Variants in WWOX observed in about 807,000 individuals in gnomAD.
The protein encoded by WWOX is WW domain-containing oxidoreductase.
Under a neutral mutation model 46.2 loss-of-function variants are expected in WWOX, and 69 were observed. The ratio of observed to expected loss-of-function variants is 1.49; its 90% CI spans 1.23 to 1.82. WWOX has a LOEUF of 1.82. Among genes scored for constraint, WWOX ranks in the 40% most tolerant of loss-of-function variants. The pLI is 0.00. For synonymous variants in WWOX, 359 were observed against 202.6 expected, an observed-to-expected ratio of 1.77 and a Z score of -6.56; for missense variants, 919 against 542.6, an observed-to-expected ratio of 1.69 and a Z score of -6.89.
At chr16:78,809,691 G>C (rs967301459) in intron 8 of WWOX, among the ~76,000 whole-genome samples, 2 of 152,210 alleles carry the variant, frequency 1.3e-5, no homozygotes, top group African/African-American at 4.8e-5. Flanking sequence ...AGGACTGGGA[G>C]TGTGAATGAG....
chr16:79,178,979 C>A (rs2050856752), intron 8 of WWOX, among the ~76,000 whole-genome samples: 1 of 152,156 alleles, frequency 6.6e-6, no homozygotes. Context: ...GTTTATCATA[C>A]TCCTGCAAGG....
At chr16:78,211,407 T>C (rs1182760546) in intron 5 of WWOX, among the ~76,000 whole-genome samples, 1 of 152,180 alleles carries the variant, frequency 6.6e-6, no homozygotes, top group Non-Finnish European at 1.5e-5. Context: ...AGCACTGATC[T>C]TGTCAGGTTC....
chr16:78,621,032 G>C (rs1316795816), intron 8 of WWOX, among the ~76,000 whole-genome samples: 1 of 152,086 alleles, frequency 6.6e-6, no homozygotes, highest in Non-Finnish European at 1.5e-5. Context: ...GGCTCCTTCT[G>C]TTTAAGGTAA....
chr16:78,839,325 T>C (rs929190694), intron 8 of WWOX, among the ~76,000 whole-genome samples: 7 of 152,138 alleles, frequency 4.6e-5, no homozygotes, highest in African/African-American at 1.7e-4. Flanking sequence ...TGTAATTACA[T>C]CTAACTATCC....
chr16:78,908,049 G>T (rs7194627), intron 8 of WWOX, among the ~76,000 whole-genome samples: 3 of 152,124 alleles, frequency 2.0e-5, no homozygotes, highest in Non-Finnish European at 2.9e-5. Flanking sequence ...CATACTAACC[G>T]TATGAAAGTT....
intron 8 of WWOX, among the ~76,000 whole-genome samples, chr16:79,140,471 G>A (rs1057457169): frequency 6.6e-6 from 1 of 152,206 alleles, no homozygotes; most frequent in Non-Finnish European, 1.5e-5. Flanking sequence ...CACCTGAGAA[G>A]TCCAGTCCTT....
At chr16:79,113,867 T>A (rs2049461716) in intron 8 of WWOX, among the ~76,000 whole-genome samples, 1 of 152,198 alleles carries the variant, frequency 6.6e-6, no homozygotes, top group Non-Finnish European at 1.5e-5. Context: ...CTTTCTGTAA[T>A]CTTGAACCAG....
intron 5 of WWOX, among the ~76,000 whole-genome samples, chr16:78,322,184 A>G (rs925523415): frequency 6.6e-6 from 1 of 152,122 alleles, no homozygotes; most frequent in African/African-American, 2.4e-5. Flanking sequence ...AGGACAAACA[A>G]TTCGAAAGAG....
intron 8 of WWOX, among the ~76,000 whole-genome samples, chr16:78,748,813 G>A (rs758514614): frequency 2.6e-5 from 4 of 152,368 alleles, no homozygotes; most frequent in African/African-American, 7.2e-5. Flanking sequence ...GGCAAACACA[G>A]ATGCTGCCCA....
intron 5 of WWOX, among the ~76,000 whole-genome samples, chr16:78,363,749 T>C (rs1311652130): frequency 2.0e-5 from 3 of 151,898 alleles, no homozygotes; most frequent in Non-Finnish European, 4.4e-5. Context: ...GACTCTGGAG[T>C]AGATGTTAGC....
intron 8 of WWOX, among the ~76,000 whole-genome samples, chr16:78,445,426 G>C (rs1977026): frequency 6.6e-6 from 1 of 152,174 alleles, no homozygotes; most frequent in Non-Finnish European, 1.5e-5. Context: ...CTTTGCTAGG[G>C]ACAGAATGCT....
intron 8 of WWOX, among the ~76,000 whole-genome samples, chr16:78,833,126 C>G (rs925629849): frequency 6.6e-6 from 1 of 151,746 alleles, no homozygotes; most frequent in Non-Finnish European, 1.5e-5. Context: ...ACTGCAGCCT[C>G]CAACTCCTAG....
At chr16:78,293,737 A>G (rs1597450963) in intron 5 of WWOX, among the ~76,000 whole-genome samples, 1 of 152,034 alleles carries the variant, frequency 6.6e-6, no homozygotes, top group South Asian at 2.1e-4. Flanking sequence ...CAGCACTTTG[A>G]GAGGCCGAGG....
intron 8 of WWOX, among the ~76,000 whole-genome samples, chr16:79,168,384 T>A (rs1402274293): frequency 6.6e-6 from 1 of 152,218 alleles, no homozygotes; most frequent in African/African-American, 2.4e-5. Context: ...TCTAAGGCAC[T>A]AGGCTTTTCA....
chr16:78,193,518 C>T (rs750032932), intron 5 of WWOX, among the ~76,000 whole-genome samples: 8 of 14,932 alleles, frequency 5.4e-4, no homozygotes, highest in African/African-American at 2.0e-3. Flanking sequence ...CCATTAACCA[C>T]ACATGAATGG....
chr16:78,600,600 C>T (rs1372909190), intron 8 of WWOX, among the ~76,000 whole-genome samples: 2 of 152,118 alleles, frequency 1.3e-5, no homozygotes, highest in Non-Finnish European at 2.9e-5. Context: ...GTGAAGGACC[C>T]ATCTTGTGAC....
At chr16:78,708,876 A>G (rs1427695005) in intron 8 of WWOX, among the ~76,000 whole-genome samples, 4 of 152,238 alleles carry the variant, frequency 2.6e-5, no homozygotes, top group Non-Finnish European at 4.4e-5. Context: ...GACCCTCAGT[A>G]TAAGCTGGTT....
intron 8 of WWOX, among the ~76,000 whole-genome samples, chr16:78,465,270 A>G (rs1025830591): frequency 1.3e-5 from 2 of 152,266 alleles, no homozygotes; most frequent in South Asian, 2.1e-4. Context: ...GTTGGAAATC[A>G]TACTGATTTA....
chr16:78,764,056 T>C (rs2049865481), intron 8 of WWOX, among the ~76,000 whole-genome samples: 1 of 152,208 alleles, frequency 6.6e-6, no homozygotes, highest in Non-Finnish European at 1.5e-5. Flanking sequence ...GTGAAATATT[T>C]GCTCAGAGAG....
Sources: allele counts gnomAD v4.1 joint callset (sites outside exome capture counted in the v4.1 genomes callset), GRCh38; gene constraint gnomAD v4.1.1; transcripts MANE v1.5; gene names NCBI Gene and HGNC (gene_info 2026-07-23, HGNC 2026-07-21).